KDM6A: variants seen among roughly 807,000 people sequenced by gnomAD.
KDM6A encodes the protein lysine-specific demethylase 6A.
In KDM6A, 11 loss-of-function variants were observed where a neutral mutation model predicts 117.6. The ratio of observed to expected loss-of-function variants is 0.09; its 90% CI spans 0.06 to 0.15. The LOEUF (loss-of-function observed/expected upper bound fraction) is 0.15, where lower values mean the gene tolerates loss of function less well. Among genes scored for constraint, KDM6A ranks in the 10% least tolerant of loss-of-function variants. The pLI, the probability that KDM6A is intolerant of heterozygous loss-of-function variation, is 1.00. For missense variants in KDM6A, 799 were observed against 1,077.3 expected, an observed-to-expected ratio of 0.74 and a Z score of 3.62; for synonymous variants, 384 against 396.1, an observed-to-expected ratio of 0.97 and a Z score of 0.36.
intron 7 of KDM6A, among the ~76,000 whole-genome samples, chrX:45,036,295 CT>C (rs2042812592): frequency 2.7e-5 from 3 of 111,341 alleles, no homozygotes; most frequent in African/African-American, 9.8e-5. Flanking sequence ...TAGTCTTAGT[CT>C]TTAGAAATGC....
chrX:45,082,529 G>A, intron 21 of KDM6A, 47 bp from the exon 22 acceptor site: 1 of 835,568 alleles, frequency 1.2e-6, no homozygotes. Flanking sequence ...GGAAAGGATT[G>A]CCAGTTGTAG....
At chrX:45,096,647 A>G (rs2046120454) in intron 27 of KDM6A, among the ~76,000 whole-genome samples, 2 of 111,866 alleles carry the variant, frequency 1.8e-5, no homozygotes, top group Admixed American at 1.9e-4. Context: ...AGATTTAGCA[A>G]AAACCACAGT....
chrX:45,062,338 A>G (rs1401227421), intron 15 of KDM6A, among the ~76,000 whole-genome samples: 3 of 112,367 alleles, frequency 2.7e-5, no homozygotes, highest in Non-Finnish European at 5.6e-5. Context: ...ACTTGTCAAT[A>G]TATTTTTAAG....
intron 17 of KDM6A, among the ~76,000 whole-genome samples, chrX:45,067,653 G>T (rs58577303): frequency 0.18 from 14,460 of 82,501 alleles, 1,904 homozygotes; most frequent in African/African-American, 0.47. Flanking sequence ...TCTTTTTTTT[G>T]TTTTTTTTTT....
At chrX:44,984,752 T>C (rs1465348673) in intron 4 of KDM6A, among the ~76,000 whole-genome samples, 2 of 111,669 alleles carry the variant, frequency 1.8e-5, no homozygotes, top group Admixed American at 1.9e-4. Context: ...GAGGGCTCTG[T>C]TCTTTTCCAT....
At chrX:45,089,113 G>C in intron 25 of KDM6A, among the ~76,000 whole-genome samples, 1 of 111,933 alleles carries the variant, frequency 8.9e-6, no homozygotes, top group Non-Finnish European at 1.9e-5. Context: ...GCTCCAGGGA[G>C]AAGGCTTCAG....
intron 3 of KDM6A, among the ~76,000 whole-genome samples, chrX:44,969,892 G>T (rs1355254805): frequency 8.9e-6 from 1 of 112,148 alleles, no homozygotes; most frequent in African/African-American, 3.2e-5. Context: ...ATTGTATGAG[G>T]ATGTCCAAAT....
At chrX:44,946,628 G>T (rs375945784) in intron 2 of KDM6A, among the ~76,000 whole-genome samples, 3 of 110,609 alleles carry the variant, frequency 2.7e-5, no homozygotes, top group African/African-American at 9.9e-5. Flanking sequence ...GAAATCCCAC[G>T]CTATCCTAAT....
At chrX:44,900,526 A>G (rs1159536558) in intron 2 of KDM6A, among the ~76,000 whole-genome samples, 1 of 111,955 alleles carries the variant, frequency 8.9e-6, no homozygotes, top group Non-Finnish European at 1.9e-5. Flanking sequence ...TCTGAGAAAA[A>G]TCTTCCTGGA....
chrX:44,965,580 G>T (rs1171274856), intron 3 of KDM6A, among the ~76,000 whole-genome samples: 1 of 111,873 alleles, frequency 8.9e-6, no homozygotes, highest in African/African-American at 3.2e-5. Context: ...CTAGGGAATG[G>T]CCTGTTGGTG....
At chrX:45,080,400 T>A (rs2045345638) in intron 21 of KDM6A, among the ~76,000 whole-genome samples, 1 of 112,111 alleles carries the variant, frequency 8.9e-6, no homozygotes, top group African/African-American at 3.2e-5. Context: ...AGCACTATAA[T>A]GAGAACTTTG....
intron 8 of KDM6A, among the ~76,000 whole-genome samples, chrX:45,040,189 GC>G (rs2043011447): frequency 1.1e-5 from 1 of 91,893 alleles, no homozygotes; most frequent in East Asian, 3.8e-4. Flanking sequence ...AGGCAGAGGG[GC>G]TCCTTACTTC....
At chrX:45,026,717 G>C (rs374958950) in intron 6 of KDM6A, among the ~76,000 whole-genome samples, 4 of 105,973 alleles carry the variant, frequency 3.8e-5, no homozygotes, top group South Asian at 8.4e-4. Flanking sequence ...TGTAGTCCCA[G>C]CTACTCCGGA....
Position 45,085,483 on chromosome X carries a change from A to G in KDM6A, c.3590-382A>G, listed in dbSNP as rs367755258. 1.1e-4 allele frequency among the ~76,000 whole-genome samples: 12 copies of G among 111,967 alleles called. No homozygotes were observed. The East Asian group carries it at 3.1e-3, about 29-fold the overall frequency. On this transcript the variant is annotated intron_variant, in intron 24 of 29. Transcript: ENST00000611820. ...ATTCATTAGTTTATCCATCTTCAAA[A>G]CAACCCAACAATTTATAGAGATTAT...
chrX:45,107,331 T>C, intron 27 of KDM6A, 79 bp from the exon 28 acceptor site: 1 of 973,862 alleles, frequency 1.0e-6, no homozygotes, highest in Middle Eastern at 2.6e-4. Context: ...CTTGGCATTA[T>C]TTCTAGTTGG....
chrX:45,085,754 C>T lies in KDM6A; in HGVS notation c.3590-111C>T. On this transcript the variant is annotated intron_variant, in intron 24 of 29. Transcript: ENST00000611820. ...ATTTGTAAGGTTTTGTTTCCAAAGACCCATTTTTCTATAGAATTATAGTGT... is the reference window on the plus strand; with the variant it reads ...ATTTGTAAGGTTTTGTTTCCAAAGATCCATTTTTCTATAGAATTATAGTGT... 3 of 498,563 alleles carry T rather than the reference C, an allele frequency of 6.0e-6. No individual in the cohort carries two copies. The South Asian group carries it at 8.0e-5, about 13-fold the overall frequency. The allele number at this position is 498,563 out of a possible 1,213,427, so 41.1% of individuals were successfully genotyped here. A position where few individuals can be genotyped will look rare whatever the true frequency, so the allele number is the denominator to read the frequency against.
intron 13 of KDM6A, 50 bp downstream of exon 13, chrX:45,060,206 T>C: frequency 2.5e-6 from 3 of 1,206,633 alleles, no homozygotes; most frequent in East Asian, 5.9e-5. Context: ...AGGGTTCTTT[T>C]CAATTCTCTA....
chrX:45,059,540 G>A (rs1029430223), intron 12 of KDM6A, 74 bp downstream of exon 12: 17 of 749,247 alleles, frequency 2.3e-5, no homozygotes, highest in Non-Finnish European at 3.5e-5. Flanking sequence ...AGGGTGGCTG[G>A]AAAGTTTGTC....
chrX:45,020,801 AT>A (rs2147670960), intron 6 of KDM6A, 71 bp downstream of exon 6: 1 of 1,093,428 alleles, frequency 9.1e-7, no homozygotes. Context: ...TTTCTTAAAT[AT>A]TAGAGCATTG....
Sources: allele counts gnomAD v4.1 joint callset (sites outside exome capture counted in the v4.1 genomes callset), GRCh38; gene constraint gnomAD v4.1.1; transcripts MANE v1.5; gene names NCBI Gene and HGNC (gene_info 2026-07-23, HGNC 2026-07-21).